The following ZBTB16 variants were observed in gnomAD, a reference collection of about 807,000 sequenced individuals.
ZBTB16 encodes zinc finger and BTB domain containing 16.
In ZBTB16, 8 loss-of-function variants were observed where a neutral mutation model predicts 56.8. That is an observed-to-expected ratio of 0.14 (90% CI 0.08 to 0.25). The LOEUF (loss-of-function observed/expected upper bound fraction) is 0.25. ZBTB16 is among the 10% of genes least tolerant of loss of function. The pLI, the probability that ZBTB16 is intolerant of heterozygous loss-of-function variation, is 1.00. For synonymous variants in ZBTB16, 363 were observed against 368.5 expected, an observed-to-expected ratio of 0.98 and a Z score of 0.17; for missense variants, 625 against 903.0, an observed-to-expected ratio of 0.69 and a Z score of 3.95.
chr11:114,090,701 C>A (rs1322155453), intron 2 of ZBTB16, among the ~76,000 whole-genome samples: 1 of 152,124 alleles, frequency 6.6e-6, no homozygotes, highest in African/African-American at 2.4e-5. Flanking sequence ...TGTGGGCAGG[C>A]CCTGGGCTGT....
chr11:114,117,561 G>A (rs1159617381), intron 2 of ZBTB16, among the ~76,000 whole-genome samples: 1 of 152,010 alleles, frequency 6.6e-6, no homozygotes, highest in Non-Finnish European at 1.5e-5. Flanking sequence ...GAAGGAGTTG[G>A]TTGAGACTCC....
intron 2 of ZBTB16, among the ~76,000 whole-genome samples, chr11:114,148,344 C>G (rs61904455): frequency 0.21 from 9,771 of 45,534 alleles, 735 homozygotes; most frequent in Middle Eastern, 0.35. Context: ...TGGCTTCCTT[C>G]CTTCCTTCCT....
At chr11:114,082,586 C>T (rs1939806193) in intron 2 of ZBTB16, among the ~76,000 whole-genome samples, 1 of 152,218 alleles carries the variant, frequency 6.6e-6, no homozygotes, top group South Asian at 2.1e-4. Flanking sequence ...TGACTGCCCC[C>T]TGCTCCTTCC....
Position 114,143,010 on chromosome 11 carries a change from G to GATTTTGTTT in ZBTB16, c.1269-13324_1269-13316dup. ...TGGGGCTGTGAGGGAGGCAGAACAG[G>GATTTTGTTT]ATTTTGTTTATGGGGAAATAAAGCC... On this transcript the variant is annotated intron_variant, in intron 2 of 6. Transcript: ENST00000335953. This position sits in a 1 kb window ranked among gnomAD's most constrained non-coding sequence, Gnocchi z 6.4. Among the ~76,000 whole-genome samples the GATTTTGTTT allele has an allele frequency of 6.6e-6, 1 of 152,282 alleles. No homozygotes were observed. The highest frequency in any genetic ancestry group is 1.9e-4 in the East Asian group (1 of 5,186).
At chr11:114,197,014 C>T (rs1943626161) in intron 4 of ZBTB16, among the ~76,000 whole-genome samples, 1 of 152,030 alleles carries the variant, frequency 6.6e-6, no homozygotes, top group East Asian at 1.9e-4. Flanking sequence ...GGCATCAGCT[C>T]TCATGTGCGG....
At chr11:114,199,243 G>C (rs923739618) in intron 4 of ZBTB16, among the ~76,000 whole-genome samples, 17 of 151,756 alleles carry the variant, frequency 1.1e-4, no homozygotes, top group Non-Finnish European at 1.5e-5. Flanking sequence ...CTGGGCCCAG[G>C]GACGGGGATG....
intron 2 of ZBTB16, among the ~76,000 whole-genome samples, chr11:114,113,062 G>C (rs907904089): frequency 6.6e-6 from 1 of 152,074 alleles, no homozygotes; most frequent in Non-Finnish European, 1.5e-5. Flanking sequence ...TGCATGAGCC[G>C]CTGCACCCAG....
chr11:114,180,524 G>A (rs148765895), intron 3 of ZBTB16, among the ~76,000 whole-genome samples: 1,751 of 152,324 alleles, frequency 0.011, 14 homozygotes, highest in Non-Finnish European at 0.018. Context: ...AGAAGAAGCA[G>A]ACAGCCCCAC....
chr11:114,130,672 A>G (rs1328651436), intron 2 of ZBTB16, among the ~76,000 whole-genome samples: 1 of 152,184 alleles, frequency 6.6e-6, no homozygotes, highest in Non-Finnish European at 1.5e-5. Flanking sequence ...TCAAAACTTC[A>G]TTTCATCTCC....
At position 114,250,670 on chromosome 11, in the gene ZBTB16, A is replaced by C; in HGVS notation, c.*115A>C. On this transcript the variant is annotated 3_prime_UTR_variant, in exon 7 of 7. Coordinates refer to ENST00000335953, the MANE Select transcript of ZBTB16 (RefSeq NM_006006.6). This position sits in a 1 kb window ranked among gnomAD's most constrained non-coding sequence, Gnocchi z 6.0. ...AAAAGAAAAAAAAAAACAGAAGGAA[A>C]AGGAAACCTGGTAGCTTTTTGGCCT... 35 of 1,200,552 alleles carry C rather than the reference A, an allele frequency of 2.9e-5. No individual in the cohort carries two copies. The highest frequency in any genetic ancestry group is 3.7e-5 in the Non-Finnish European group (32 of 855,462). The allele number at this position is 1,200,552 out of a possible 1,614,324, so 74.4% of individuals were successfully genotyped here.
intron 4 of ZBTB16, among the ~76,000 whole-genome samples, chr11:114,221,842 T>G (rs1191615771): frequency 6.6e-6 from 1 of 152,100 alleles, no homozygotes; most frequent in Non-Finnish European, 1.5e-5. Context: ...CAACTGCAAC[T>G]GAATGACTCA....
chr11:114,190,215 A>C (rs530712564), intron 4 of ZBTB16, among the ~76,000 whole-genome samples: 1 of 152,202 alleles, frequency 6.6e-6, no homozygotes, highest in Non-Finnish European at 1.5e-5. Context: ...TGGAGTGATG[A>C]AAATGTTCTA....
chr11:114,242,255 C>T lies in ZBTB16; in HGVS notation c.1542C>T (p.Gly514=), dbSNP rs147709798. The T allele has an allele frequency of 1.7e-4, 279 of 1,614,072 alleles. 2 individuals are homozygous for T. Among genetic ancestry groups the T allele is most frequent in the Middle Eastern group, 1.5e-3 (9 of 6,062 alleles). Residue 514 remains glycine (G), a synonymous_variant, in exon 5 of 7, where the codon GGC becomes GGT. Coordinates refer to ENST00000335953, the MANE Select transcript of ZBTB16 (RefSeq NM_006006.6). ...AGCAGCACATGGAGGTCCACGCGGG[C>T]GTGCGCAGCTACATCTGCAGTGAGT... The part of the protein sequence containing the change: ...ALQQHMEVHA[G]VRSYICSECN...
chr11:114,190,736 C>G (rs764594397), intron 4 of ZBTB16, among the ~76,000 whole-genome samples: 1 of 143,438 alleles, frequency 7.0e-6, no homozygotes. Context: ...CTCATACACA[C>G]ACACACACAC....
At chr11:114,109,876 G>C (rs1387778245) in intron 2 of ZBTB16, among the ~76,000 whole-genome samples, 1 of 152,142 alleles carries the variant, frequency 6.6e-6, no homozygotes, top group Non-Finnish European at 1.5e-5. Flanking sequence ...ATCATGGTTT[G>C]GCTGAACAGC....
chr11:114,068,743 C>T (rs1344355364), intron 2 of ZBTB16, among the ~76,000 whole-genome samples: 1 of 152,166 alleles, frequency 6.6e-6, no homozygotes, highest in Non-Finnish European at 1.5e-5. Context: ...ACACTGGGCC[C>T]TCCCTTTCTT....
intron 3 of ZBTB16, among the ~76,000 whole-genome samples, chr11:114,174,249 T>A (rs1943046405): frequency 6.6e-6 from 1 of 151,856 alleles, no homozygotes; most frequent in African/African-American, 2.4e-5. Flanking sequence ...GAGTTTTTCT[T>A]AATAGGCAAA....
intron 3 of ZBTB16, among the ~76,000 whole-genome samples, chr11:114,162,711 TGGGGGC>T (rs1942624338): frequency 6.6e-6 from 1 of 152,262 alleles, no homozygotes; most frequent in African/African-American, 2.4e-5. Context: ...ATTCCTTATG[TGGGGGC>T]GCCTTTGGTT....
intron 2 of ZBTB16, among the ~76,000 whole-genome samples, chr11:114,125,917 C>T (rs2137814984): frequency 6.6e-6 from 1 of 152,294 alleles, no homozygotes; most frequent in Middle Eastern, 3.4e-3. Flanking sequence ...CAGCCTTCTC[C>T]TGAAGAGGTG....
Sources: gnomAD v4.1 joint callset for allele counts (sites outside exome capture counted in the v4.1 genomes callset) on GRCh38, gnomAD v4.1.1 for gene constraint, Gnocchi (gnomAD v3.1) non-coding constraint, MANE v1.5 for transcripts, NCBI Gene and HGNC (gene_info 2026-07-23, HGNC 2026-07-21) for gene names.